ASCC3: variants seen among roughly 807,000 people sequenced by gnomAD.
ASCC3 encodes the protein activating signal cointegrator 1 complex subunit 3, also known as ASC-1 complex subunit P200.
Under a neutral mutation model 256.3 loss-of-function variants are expected in ASCC3, and 158 were observed. That is an observed-to-expected ratio of 0.62 (90% CI 0.54 to 0.70). The LOEUF (loss-of-function observed/expected upper bound fraction) is 0.70. ASCC3 is among the 30% of genes least tolerant of loss of function. The probability of loss-of-function intolerance (pLI) is 0.00; values close to 1 mark genes in which losing one functional copy is unlikely to be tolerated. For synonymous variants in ASCC3, 948 were observed against 883.4 expected, an observed-to-expected ratio of 1.07 and a Z score of -1.30; for missense variants, 2,259 against 2,626.0, an observed-to-expected ratio of 0.86 and a Z score of 3.05.
chr6:100,788,337 G>C (rs1769189363), intron 8 of ASCC3, among the ~76,000 whole-genome samples: 1 of 151,798 alleles, frequency 6.6e-6, no homozygotes, highest in South Asian at 2.1e-4. Flanking sequence ...CAAAAATATA[G>C]GGTAAGTGGA....
chr6:100,635,758 A>G (rs1221060537), intron 25 of ASCC3, among the ~76,000 whole-genome samples: 1 of 152,106 alleles, frequency 6.6e-6, no homozygotes, highest in East Asian at 1.9e-4. Context: ...ATGCTTCAAG[A>G]AAGCTTTAAA....
At chr6:100,515,575 T>C (rs1773979307) in intron 39 of ASCC3, among the ~76,000 whole-genome samples, 1 of 152,200 alleles carries the variant, frequency 6.6e-6, no homozygotes, top group East Asian at 1.9e-4. Flanking sequence ...TAAAGATTGC[T>C]TGGAGACATG....
chr6:100,560,663 ATCCATCTGC>A (rs1190195822), intron 36 of ASCC3, among the ~76,000 whole-genome samples: 4 of 151,846 alleles, frequency 2.6e-5, no homozygotes, highest in Non-Finnish European at 5.9e-5. Context: ...GCAGTCAAGC[ATCCATCTGC>A]TCTGTGTGAA....
intron 25 of ASCC3, among the ~76,000 whole-genome samples, chr6:100,638,148 C>G (rs1041459282): frequency 1.3e-5 from 2 of 152,150 alleles, no homozygotes; most frequent in Non-Finnish European, 2.9e-5. Context: ...GCTACTCCAA[C>G]CTTCAGTAGC....
chr6:100,541,348 A>T (rs1169525193), intron 36 of ASCC3, among the ~76,000 whole-genome samples: 1 of 152,134 alleles, frequency 6.6e-6, no homozygotes, highest in South Asian at 2.1e-4. Flanking sequence ...GATGCTGAAC[A>T]TAAAACTATG....
chr6:100,556,594 G>C (rs1341981449), intron 36 of ASCC3, among the ~76,000 whole-genome samples: 1 of 152,204 alleles, frequency 6.6e-6, no homozygotes, highest in Non-Finnish European at 1.5e-5. Context: ...AGAAAACTAA[G>C]ACTGTGGAGG....
chr6:100,647,115 TA>T, intron 21 of ASCC3, 110 bp downstream of exon 21: 1 of 1,050,284 alleles, frequency 9.5e-7, no homozygotes, highest in Non-Finnish European at 1.4e-6. Flanking sequence ...ATAAATACGG[TA>T]AAATTTTTAT....
At chr6:100,633,140 A>T (rs1175079812) in intron 25 of ASCC3, among the ~76,000 whole-genome samples, 1 of 152,158 alleles carries the variant, frequency 6.6e-6, no homozygotes, top group African/African-American at 2.4e-5. Context: ...TGGTCCAAAA[A>T]TGTTAAATGA....
At chr6:100,544,942 G>GCA (rs1196245125) in intron 36 of ASCC3, among the ~76,000 whole-genome samples, 1 of 152,022 alleles carries the variant, frequency 6.6e-6, no homozygotes, top group East Asian at 1.9e-4. Flanking sequence ...TATATAAACA[G>GCA]AATAATACAT....
intron 37 of ASCC3, among the ~76,000 whole-genome samples, chr6:100,537,646 T>A (rs1324829020): frequency 3.3e-5 from 5 of 151,940 alleles, no homozygotes; most frequent in Admixed American, 2.6e-4. Flanking sequence ...AAAACGAAAG[T>A]CTAATTTTAA....
At chr6:100,607,373 C>G (rs1420275977) in intron 30 of ASCC3, among the ~76,000 whole-genome samples, 3 of 151,528 alleles carry the variant, frequency 2.0e-5, no homozygotes, top group African/African-American at 7.3e-5. Flanking sequence ...GAGTAACAAC[C>G]ATTAAAAAGG....
intron 4 of ASCC3, among the ~76,000 whole-genome samples, chr6:100,821,831 A>C (rs986667498): frequency 1.3e-5 from 2 of 152,124 alleles, no homozygotes; most frequent in African/African-American, 4.8e-5. Flanking sequence ...CTCACCAAAA[A>C]AAATAAAAAA....
chr6:100,615,331 C>T (rs1041028200), intron 30 of ASCC3, among the ~76,000 whole-genome samples: 2 of 151,968 alleles, frequency 1.3e-5, no homozygotes, highest in South Asian at 2.1e-4. Flanking sequence ...TTACTCCCAC[C>T]CCCACCATGA....
chr6:100,651,382 T>G (rs1393715827), intron 19 of ASCC3, among the ~76,000 whole-genome samples, 178 bp downstream of exon 19: 1 of 151,948 alleles, frequency 6.6e-6, no homozygotes, highest in Non-Finnish European at 1.5e-5. Context: ...AAGAATGATG[T>G]CAGGTATGAT....
intron 25 of ASCC3, among the ~76,000 whole-genome samples, chr6:100,635,553 T>A (rs1774801135): frequency 6.6e-6 from 1 of 152,162 alleles, no homozygotes; most frequent in African/African-American, 2.4e-5. Flanking sequence ...CTGCATTATA[T>A]ACTTGAAATT....
chr6:100,855,110 CTT>C (rs66722196), intron 3 of ASCC3, among the ~76,000 whole-genome samples: 9 of 147,934 alleles, frequency 6.1e-5, no homozygotes, highest in Admixed American at 1.3e-4. Context: ...TGTCAAGAAC[CTT>C]TTTTTTTTTT....
At chr6:100,795,694 T>A (rs1769576788) in intron 8 of ASCC3, among the ~76,000 whole-genome samples, 1 of 152,166 alleles carries the variant, frequency 6.6e-6, no homozygotes, top group African/African-American at 2.4e-5. Flanking sequence ...TCTCCTTAAG[T>A]TTTTAATCAA....
At chr6:100,700,350 T>C (rs1343767235) in intron 13 of ASCC3, among the ~76,000 whole-genome samples, 1 of 152,108 alleles carries the variant, frequency 6.6e-6, no homozygotes, top group Non-Finnish European at 1.5e-5. Flanking sequence ...CGATGATGTA[T>C]GAAAATGTCT....
chr6:100,818,519 C>G (rs1265501648), intron 4 of ASCC3, among the ~76,000 whole-genome samples: 1 of 148,178 alleles, frequency 6.7e-6, no homozygotes, highest in Non-Finnish European at 1.5e-5. Context: ...TTGCCGAGAG[C>G]CAAGATCATG....
Sources: gnomAD v4.1 joint callset for allele counts (sites outside exome capture counted in the v4.1 genomes callset) on GRCh38, gnomAD v4.1.1 for gene constraint, MANE v1.5 for transcripts, NCBI Gene and HGNC (gene_info 2026-07-23, HGNC 2026-07-21) for gene names.